ZDHHC15: variants seen among roughly 807,000 people sequenced by gnomAD.
ZDHHC15 encodes the protein palmitoyltransferase ZDHHC15.
Under a neutral mutation model 31.7 loss-of-function variants are expected in ZDHHC15, and 19 were observed. The ratio of observed to expected loss-of-function variants is 0.60; its 90% CI spans 0.42 to 0.88. The LOEUF (loss-of-function observed/expected upper bound fraction) is 0.88, where lower values mean the gene tolerates loss of function less well. ZDHHC15 is among the 40% of genes least tolerant of loss of function. The pLI is 0.00. For missense variants in ZDHHC15, 209 were observed against 251.2 expected, an observed-to-expected ratio of 0.83 and a Z score of 1.14; for synonymous variants, 103 against 90.0, an observed-to-expected ratio of 1.14 and a Z score of -0.82.
chrX:75,495,539 C>T (rs1357361088), intron 2 of ZDHHC15, among the ~76,000 whole-genome samples: 1 of 110,630 alleles, frequency 9.0e-6, no homozygotes, highest in Non-Finnish European at 1.9e-5. Context: ...CCCAAATATC[C>T]AACAATGATA....
rs184494452 is a variant in ZDHHC15, at chrX:75,478,797, G to A, written c.258+94C>T. The stretch of plus-strand genomic sequence containing the variant: ...TCTTTAAGATTACCCTGACTCTTTC[G>A]TATTATTTACTCCTCTTTTTGTCCT... On this transcript the variant is annotated intron_variant, in intron 3 of 11. Coordinates refer to ENST00000373367, the MANE Select transcript of ZDHHC15 (RefSeq NM_144969.3). 128 of 636,917 alleles carry A rather than the reference G, an allele frequency of 2.0e-4. 1 individual carries two copies. In the East Asian group the frequency reaches 3.2e-3, roughly 16 times the overall value. 52.5% of individuals were successfully genotyped at this position (636,917 alleles called of 1,213,427 possible).
At chrX:75,393,878 G>A (rs2083271738) in intron 10 of ZDHHC15, among the ~76,000 whole-genome samples, 2 of 112,034 alleles carry the variant, frequency 1.8e-5, no homozygotes, top group Non-Finnish European at 3.8e-5. Context: ...GAAGAACTTG[G>A]AGTCTGATGT....
intron 2 of ZDHHC15, among the ~76,000 whole-genome samples, chrX:75,493,463 G>A (rs755667828): frequency 6.3e-5 from 7 of 111,535 alleles, no homozygotes; most frequent in African/African-American, 2.3e-4. Context: ...ACCAAAGCCT[G>A]GCAGAGACAC....
intron 8 of ZDHHC15, 110 bp from the exon 9 acceptor site, chrX:75,422,100 T>C (rs974714423): frequency 1.0e-6 from 1 of 979,156 alleles, no homozygotes; most frequent in Admixed American, 3.7e-5. Flanking sequence ...GGTTCTATTA[T>C]ATCTTTTTGC....
chrX:75,489,977 A>G (rs1231713504), intron 2 of ZDHHC15, among the ~76,000 whole-genome samples: 1 of 112,166 alleles, frequency 8.9e-6, no homozygotes, highest in Non-Finnish European at 1.9e-5. Context: ...ATCAACTGGA[A>G]GAAAGGGTAT....
intron 10 of ZDHHC15, among the ~76,000 whole-genome samples, chrX:75,393,201 T>C (rs1459261495): frequency 9.0e-6 from 1 of 111,423 alleles, no homozygotes; most frequent in African/African-American, 3.3e-5. Context: ...GCCTGTTGAC[T>C]TAAAGGTAGG....
intron 2 of ZDHHC15, among the ~76,000 whole-genome samples, chrX:75,480,560 G>A (rs1262380582): frequency 7.2e-5 from 8 of 110,825 alleles, no homozygotes; most frequent in East Asian, 2.8e-4. Flanking sequence ...AGTTCTCCTC[G>A]CTGGAAGCAA....
intron 10 of ZDHHC15, among the ~76,000 whole-genome samples, chrX:75,414,423 T>C (rs2083521478): frequency 1.5e-5 from 1 of 66,360 alleles, no homozygotes; most frequent in Non-Finnish European, 3.0e-5. Context: ...TAGCATATTT[T>C]ATCTTTTTTT....
rs149377611 is a variant in ZDHHC15 at position 75,509,805 on chromosome X, A to C, written c.137-3958T>G. On this transcript the variant is annotated intron_variant, in intron 1 of 11. Transcript: ENST00000373367. ...ACTTAATTATTGTTAGCAATTTATAATCATTTTTCTACAAAAATAAATTGT... is the reference window on the plus strand; with the variant it reads ...ACTTAATTATTGTTAGCAATTTATACTCATTTTTCTACAAAAATAAATTGT... 8.0e-3 allele frequency among the ~76,000 whole-genome samples: 900 copies of C among 112,609 alleles called. 11 individuals carry two copies. Among genetic ancestry groups the C allele is most frequent in the African/African-American group, 0.027 (828 of 31,103 alleles).
At chrX:75,436,437 T>A (rs750301550) in intron 4 of ZDHHC15, among the ~76,000 whole-genome samples, 3 of 112,069 alleles carry the variant, frequency 2.7e-5, no homozygotes, top group Non-Finnish European at 5.6e-5. Flanking sequence ...ATTGTCCATT[T>A]GTGCTCTTTC....
intron 3 of ZDHHC15, among the ~76,000 whole-genome samples, chrX:75,455,728 G>A (rs1300582490): frequency 8.9e-6 from 1 of 112,203 alleles, no homozygotes; most frequent in African/African-American, 3.2e-5. Context: ...CTTTTCAAAA[G>A]AAGACATTTA....
At chrX:75,499,001 CT>C (rs2085051092) in intron 2 of ZDHHC15, among the ~76,000 whole-genome samples, 1 of 111,569 alleles carries the variant, frequency 9.0e-6, no homozygotes, top group Admixed American at 9.6e-5. Context: ...GCCAACTGAT[CT>C]TTGAGGAAGA....
intron 5 of ZDHHC15, among the ~76,000 whole-genome samples, 156 bp from the exon 6 acceptor site, chrX:75,430,136 G>T (rs768383587): frequency 9.0e-6 from 1 of 111,717 alleles, no homozygotes; most frequent in Non-Finnish European, 1.9e-5. Context: ...GTGGCCCTCA[G>T]TTATTTCTAG....
chrX:75,431,570 G>A, intron 4 of ZDHHC15, 50 bp from the exon 5 acceptor site: 12 of 1,081,452 alleles, frequency 1.1e-5, no homozygotes, highest in Non-Finnish European at 1.5e-5. Context: ...CTCAATATAA[G>A]ACCTTATATC....
rs765594327 is a variant in ZDHHC15 at position 75,514,633 on chromosome X, C to T, written c.136+8256G>A. 4.5e-5 allele frequency among the ~76,000 whole-genome samples: 5 copies of T among 111,841 alleles called. No individual in the cohort carries two copies. In the East Asian group the frequency reaches 8.5e-4, roughly 19 times the overall value. ...ACAAGGGGTCTGGCAATTCCCTTTC[C>T]TGGCCATGGGAAACTATGACAGATT... is the stretch of plus-strand genomic sequence containing the variant. On this transcript the variant is annotated intron_variant, in intron 1 of 11. Coordinates refer to ENST00000373367, the MANE Select transcript of ZDHHC15 (RefSeq NM_144969.3).
intron 10 of ZDHHC15, among the ~76,000 whole-genome samples, chrX:75,398,452 C>A (rs2083320975): frequency 8.9e-6 from 1 of 112,870 alleles, no homozygotes; most frequent in Admixed American, 9.3e-5. Context: ...CTGAATTCCC[C>A]CTCAAAAGGC....
At chrX:75,422,139 G>T in intron 8 of ZDHHC15, 149 bp from the exon 9 acceptor site, 1 of 692,165 alleles carries the variant, frequency 1.4e-6, no homozygotes, top group Non-Finnish European at 2.0e-6. Context: ...TCATTTTTAG[G>T]TATTGCTAAA....
chrX:75,397,963 G>T (rs1186492228), intron 10 of ZDHHC15, among the ~76,000 whole-genome samples: 6 of 112,286 alleles, frequency 5.3e-5, no homozygotes, highest in African/African-American at 1.9e-4. Flanking sequence ...GCTCAGGCAT[G>T]TGTGGAGACA....
At chrX:75,408,462 C>G (rs2083445417) in intron 10 of ZDHHC15, among the ~76,000 whole-genome samples, 1 of 111,637 alleles carries the variant, frequency 9.0e-6, no homozygotes, top group Non-Finnish European at 1.9e-5. Context: ...CAAATTAATA[C>G]AGGCCATATA....
Sources: allele counts gnomAD v4.1 joint callset (sites outside exome capture counted in the v4.1 genomes callset), GRCh38; gene constraint gnomAD v4.1.1; transcripts MANE v1.5; gene names NCBI Gene and HGNC (gene_info 2026-07-23, HGNC 2026-07-21).